Variants in LIMS2 observed in about 807,000 individuals in gnomAD.
LIMS2 encodes the protein LIM zinc finger domain containing 2.
LIMS2 carries 30 observed loss-of-function variants against 45.3 expected under a neutral mutation model. That is an observed-to-expected ratio of 0.66 (90% confidence interval 0.50 to 0.90). LIMS2 has a LOEUF of 0.90. Among genes scored for constraint, LIMS2 ranks in the 40% least tolerant of loss-of-function variants. The probability of loss-of-function intolerance (pLI) is 0.00; values close to 1 mark genes in which losing one functional copy is unlikely to be tolerated. For synonymous variants in LIMS2, 173 were observed against 188.0 expected (o/e 0.92, Z 0.65); for missense variants, 485 against 468.7 (o/e 1.03, Z -0.32).
chr2:127,659,639 G>A lies in LIMS2; in HGVS notation c.12-2077C>T, dbSNP rs1382048218. On this transcript the variant is annotated intron_variant, in intron 1 of 9. Transcript: ENST00000355119. ...AGACCTTGGGAGTCTTAGAGAAGTC[G>A]GAAATCAACAGGAAATCCCATGGCT... is the stretch of plus-strand genomic sequence containing the variant. 2.6e-5 allele frequency among the ~76,000 whole-genome samples: 4 copies of A among 152,314 alleles called. No homozygotes were observed. In the East Asian group the frequency reaches 5.8e-4, roughly 22 times the overall value.
chr2:127,666,866 A>T (rs1229896741), intron 1 of LIMS2, among the ~76,000 whole-genome samples: 1 of 152,182 alleles, frequency 6.6e-6, no homozygotes, highest in Non-Finnish European at 1.5e-5. Context: ...TCACTATCAC[A>T]AGAACAGCAT....
At chr2:127,674,758 G>A (rs990421381) in intron 1 of LIMS2, 1 of 985,280 alleles carries the variant, frequency 1.0e-6, no homozygotes, top group African/African-American at 1.7e-5. Flanking sequence ...TGAGCAGACG[G>A]CTGTCCCATC....
chr2:127,670,648 A>T (rs1685231453), intron 1 of LIMS2, among the ~76,000 whole-genome samples: 1 of 152,266 alleles, frequency 6.6e-6, no homozygotes, highest in Non-Finnish European at 1.5e-5. Flanking sequence ...CTCAGATTTT[A>T]AAAAACACGT....
At chr2:127,641,063 A>G (rs1313098403) in intron 6 of LIMS2, 75 bp from the exon 7 acceptor site, 8 of 1,199,708 alleles carry the variant, frequency 6.7e-6, no homozygotes, top group Non-Finnish European at 9.8e-6. Flanking sequence ...TGACCCGGGG[A>G]CAACAGTGAC....
chr2:127,674,854 C>T lies in LIMS2; in HGVS notation c.11+160G>A, dbSNP rs1042313479. On this transcript the variant is annotated intron_variant, in intron 1 of 9. Transcript: ENST00000355119. ...AGGCGCGGGGGCTGGGGGACCCCTG[C>T]CCCGACGGGCGCTGCCGCCCCGGCA... The T allele has an allele frequency of 9.1e-6, 9 of 985,214 alleles. No homozygotes were observed. The South Asian group carries it at 2.8e-4, about 31-fold the overall frequency. The allele number at this position is 985,214 out of a possible 1,614,324, so 61.0% of individuals were successfully genotyped here.
chr2:127,640,040 G>A, intron 9 of LIMS2, 30 bp downstream of exon 9: 1 of 1,610,126 alleles, frequency 6.2e-7, no homozygotes, highest in Middle Eastern at 1.7e-4. Flanking sequence ...CCTCCACCCT[G>A]AGCCCCATCC....
intron 2 of LIMS2, chr2:127,655,845 A>G (rs13388838): frequency 0.035 from 5,343 of 152,482 alleles, 139 homozygotes; most frequent in Middle Eastern, 0.095. Flanking sequence ...ACCTTGAAAC[A>G]GAGCCAGCAT....
In LIMS2 at chr2:127,664,213, G is replaced by A; in HGVS notation, c.12-6651C>T. 9.3e-7 allele frequency: 1 copy of A among 1,080,178 alleles called. No individual in the cohort carries two copies. Among genetic ancestry groups the A allele is most frequent in the Non-Finnish European group, 1.2e-6 (1 of 862,826 alleles). The allele number at this position is 1,080,178 out of a possible 1,614,324, so 66.9% of individuals were successfully genotyped here. ...CCGGGGCAGAGCCCACGGCGTCGGA[G>A]GGCCCCGGTCGGGTTTCCGAGGGAA... On this transcript the variant is annotated intron_variant, in intron 1 of 9. Transcript: ENST00000355119. This position sits in a 1 kb window ranked among gnomAD's most constrained non-coding sequence, Gnocchi z 5.5.
At chr2:127,650,298 G>A (rs112855149) in intron 4 of LIMS2, 15 of 576,924 alleles carry the variant, frequency 2.6e-5, no homozygotes, top group African/African-American at 5.6e-5. Flanking sequence ...CTGGAATCCC[G>A]GAGACACACT....
At chr2:127,651,839 C>G in intron 4 of LIMS2, 1 of 1,320,678 alleles carries the variant, frequency 7.6e-7, no homozygotes, top group Non-Finnish European at 1.1e-6. Context: ...CCCCAGCCAC[C>G]TCCCCAGCAA....
At chr2:127,652,640 C>T (rs1368551256) in intron 4 of LIMS2, 1 of 161,422 alleles carries the variant, frequency 6.2e-6, no homozygotes, top group Non-Finnish European at 1.5e-5. Flanking sequence ...TTTAAGACTA[C>T]ACAGGTTGTT....
chr2:127,648,449 C>CCCACCCTTCCCTAGGGCTAGGG (rs1683235662), intron 4 of LIMS2, among the ~76,000 whole-genome samples: 1 of 152,174 alleles, frequency 6.6e-6, no homozygotes, highest in East Asian at 1.9e-4. Context: ...AAGGGTGCGG[C>CCCACCCTTCCCTAGGGCTAGGG]CCACCCTTCC....
At position 127,643,092 on chromosome 2, in the gene LIMS2, TA is replaced by T. The variant is rs1378870954; in HGVS notation, c.360-21del. 3 of 1,553,884 alleles carry T rather than the reference TA, an allele frequency of 1.9e-6. No individual in the cohort carries two copies. Among genetic ancestry groups the T allele is most frequent in the Non-Finnish European group, 2.6e-6 (3 of 1,151,894 alleles). On this transcript the variant is annotated intron_variant, in intron 4 of 9. Coordinates refer to ENST00000355119, the MANE Select transcript of LIMS2 (RefSeq NM_001161403.3). ...AGATGCCTGCGGGAGGCGGGGGCAT[TA>T]GGGGCAGAGCCCCCACTCCCACACA... is the stretch of plus-strand genomic sequence containing the variant.
chr2:127,654,357 G>A (rs1684089270), intron 4 of LIMS2, 67 bp downstream of exon 4: 2 of 1,606,172 alleles, frequency 1.2e-6, no homozygotes, highest in African/African-American at 2.7e-5. Context: ...TAGCACACAG[G>A]AGAGGTGGCA....
intron 4 of LIMS2, chr2:127,651,543 G>A (rs376520675): frequency 4.4e-5 from 71 of 1,612,386 alleles, no homozygotes; most frequent in South Asian, 3.8e-4. Flanking sequence ...GGCCTCCTGC[G>A]CCACCCAGCG....
intron 1 of LIMS2, among the ~76,000 whole-genome samples, chr2:127,662,860 C>T (rs552700526): frequency 2.0e-4 from 30 of 152,286 alleles, no homozygotes; most frequent in African/African-American, 7.2e-4. Context: ...TGCATTGACA[C>T]CATCAGAAAC....
At chr2:127,669,333 T>C (rs1685177105) in intron 1 of LIMS2, among the ~76,000 whole-genome samples, 1 of 152,054 alleles carries the variant, frequency 6.6e-6, no homozygotes. Context: ...AATAAGGAAA[T>C]AAATTGGATT....
Position 127,643,086 on chromosome 2 carries a change from G to T in LIMS2, c.360-14C>A, listed in dbSNP as rs1374544038. 4 of 1,556,374 alleles carry T rather than the reference G, an allele frequency of 2.6e-6. No individual in the cohort carries two copies. The highest frequency in any genetic ancestry group is 1.4e-5 in the African/African-American group (1 of 73,846). ...CGGCAGAGATGCCTGCGGGAGGCGG[G>T]GGCATTAGGGGCAGAGCCCCCACTC... On this transcript the variant is annotated splice_polypyrimidine_tract_variant and intron_variant, in intron 4 of 9. Coordinates refer to ENST00000355119, the MANE Select transcript of LIMS2 (RefSeq NM_001161403.3).
chr2:127,673,871 G>C (rs1430541228), intron 1 of LIMS2: 2 of 769,398 alleles, frequency 2.6e-6, no homozygotes, highest in East Asian at 5.4e-5. Flanking sequence ...CACTCTCCGG[G>C]GGATGAGTCC....
Sources: gnomAD v4.1 joint callset for allele counts (sites outside exome capture counted in the v4.1 genomes callset) on GRCh38, gnomAD v4.1.1 for gene constraint, Gnocchi (gnomAD v3.1) non-coding constraint, MANE v1.5 for transcripts, NCBI Gene and HGNC (gene_info 2026-07-23, HGNC 2026-07-21) for gene names.